The following DTWD1 variants were observed in gnomAD, a reference collection of about 807,000 sequenced individuals.
DTWD1 encodes tRNA-uridine aminocarboxypropyltransferase 1.
A neutral mutation model predicts 30.2 loss-of-function variants in DTWD1; 27 were observed. The ratio of observed to expected loss-of-function variants is 0.90; its 90% CI spans 0.66 to 1.23. The LOEUF (loss-of-function observed/expected upper bound fraction) is 1.23, where lower values mean the gene tolerates loss of function less well. Among genes scored for constraint, DTWD1 ranks in the 50% most tolerant of loss-of-function variants. DTWD1 has a pLI of 0.00. For missense variants in DTWD1, 342 were observed against 348.8 expected (o/e 0.98, Z 0.15); for synonymous variants, 99 against 113.1 (o/e 0.88, Z 0.79).
chr15:49,645,697 C>T lies in DTWD1; in HGVS notation c.*2119C>T, dbSNP rs1189357112. On this transcript the variant is annotated 3_prime_UTR_variant, in exon 5 of 5. Coordinates refer to ENST00000403028, the MANE Select transcript of DTWD1 (RefSeq NM_001144955.2). Reference sequence around the variant, plus strand: ...AAAAAAAAAAGCGAGAGACAGAGAACAATTCTATCACTCATTTGCCTCCAT... The same window carrying T: ...AAAAAAAAAAGCGAGAGACAGAGAATAATTCTATCACTCATTTGCCTCCAT... The T allele has an allele frequency of 6.6e-6, 1 of 151,800 alleles. No homozygotes were observed. Among genetic ancestry groups the T allele is most frequent in the African/African-American group, 2.4e-5 (1 of 41,352 alleles). The allele number at this position is 151,800 out of a possible 1,614,324, so 9.4% of individuals were successfully genotyped here.
Position 49,645,204 on chromosome 15 carries a change from G to A in DTWD1, c.*1626G>A, listed in dbSNP as rs891999404. 3 of 152,158 alleles carry A rather than the reference G, an allele frequency of 2.0e-5. No homozygotes were observed. Among genetic ancestry groups the A allele is most frequent in the Non-Finnish European group, 4.4e-5 (3 of 68,022 alleles). The allele number at this position is 152,158 out of a possible 1,614,324, so 9.4% of individuals were successfully genotyped here. A position where few individuals can be genotyped will look rare whatever the true frequency, so the allele number is the denominator to read the frequency against. On this transcript the variant is annotated 3_prime_UTR_variant, in exon 5 of 5. Coordinates refer to ENST00000403028, the MANE Select transcript of DTWD1 (RefSeq NM_001144955.2). ...TATTAACATGCCATGGAAATAGGAC[G>A]TTTGGAGTATTGTAATTAAGAACAA...
intron 3 of DTWD1, among the ~76,000 whole-genome samples, chr15:49,633,051 A>C (rs550020234): frequency 7.1e-6 from 1 of 140,526 alleles, no homozygotes; most frequent in Admixed American, 7.1e-5. Context: ...ATCTATATCT[A>C]TATATATATA....
chr15:49,638,171 A>T (rs1431769577), intron 4 of DTWD1, among the ~76,000 whole-genome samples: 2 of 152,222 alleles, frequency 1.3e-5, no homozygotes, highest in Non-Finnish European at 2.9e-5. Flanking sequence ...TTATATGGTA[A>T]TTGAAAAGAT....
At chr15:49,643,211 TA>T (rs776488715) in intron 4 of DTWD1, 119 bp from the exon 5 acceptor site, 422 of 1,143,828 alleles carry the variant, frequency 3.7e-4, no homozygotes, top group South Asian at 7.9e-4. Flanking sequence ...CTGCAGTCTT[TA>T]AAAAAAAATT....
chr15:49,629,618 G>A (rs997817907), intron 2 of DTWD1: 1 of 152,108 alleles, frequency 6.6e-6, no homozygotes, highest in African/African-American at 2.4e-5. Flanking sequence ...GAGACCCTAG[G>A]GAGAGGGAAG....
At chr15:49,633,053 A>G (rs28594959) in intron 3 of DTWD1, among the ~76,000 whole-genome samples, 3 of 114,624 alleles carry the variant, frequency 2.6e-5, no homozygotes, top group Middle Eastern at 9.1e-3. Flanking sequence ...CTATATCTAT[A>G]TATATATATA....
At chr15:49,623,044 A>C (rs1262427372) in intron 1 of DTWD1, among the ~76,000 whole-genome samples, 3 of 152,224 alleles carry the variant, frequency 2.0e-5, no homozygotes, top group East Asian at 3.8e-4. Flanking sequence ...ATAACTCCAA[A>C]AACTCACCAG....
intron 2 of DTWD1, among the ~76,000 whole-genome samples, chr15:49,625,948 A>G (rs953089500): frequency 2.6e-5 from 4 of 152,144 alleles, no homozygotes; most frequent in Admixed American, 2.0e-4. Flanking sequence ...AAAGAATAAG[A>G]ACATCACACA....
chr15:49,643,554 G>C lies in DTWD1; in HGVS notation c.891G>C (p.Lys297Asn). 1.9e-6 allele frequency: 3 copies of C among 1,596,256 alleles called. No individual in the cohort carries two copies. The highest frequency in any genetic ancestry group is 2.6e-6 in the Non-Finnish European group (3 of 1,174,098). Residue 297 changes from lysine (K) to asparagine (N), a missense_variant, in exon 5 of 5, where the codon AAG (lysine) becomes AAC (asparagine). Coordinates refer to ENST00000403028, the MANE Select transcript of DTWD1 (RefSeq NM_001144955.2). Reference protein sequence around the residue: ...LIKNAKCSGDKETGKLTH With the variant: ...LIKNAKCSGDNETGKLTH ...AGAATGCCAAATGCTCTGGAGATAA[G>C]GAAACAGGAAAACTTACACATTAGT... is the stretch of plus-strand genomic sequence containing the variant.
At chr15:49,627,636 C>G (rs975938180) in intron 2 of DTWD1, among the ~76,000 whole-genome samples, 1 of 152,184 alleles carries the variant, frequency 6.6e-6, no homozygotes, top group Admixed American at 6.5e-5. Flanking sequence ...ATCTGTACAG[C>G]ATGTTATTGT....
At position 49,650,571 on chromosome 15, in the gene DTWD1, C is replaced by G. The variant is rs1002795075; in HGVS notation, c.*6993C>G. ...GCCTATATCCCCCTTCTAGGAAGGA[C>G]TTGCTAATTAGCTGCAGGGAGTGTG... On this transcript the variant is annotated 3_prime_UTR_variant, in exon 5 of 5. Coordinates refer to ENST00000403028, the MANE Select transcript of DTWD1 (RefSeq NM_001144955.2). 3.9e-5 allele frequency: 6 copies of G among 152,150 alleles called. No homozygotes were observed. Among genetic ancestry groups the G allele is most frequent in the African/African-American group, 1.4e-4 (6 of 41,438 alleles). The allele number at this position is 152,150 out of a possible 1,614,324, so 9.4% of individuals were successfully genotyped here.
At chr15:49,637,524 A>T (rs1181985841) in intron 4 of DTWD1, among the ~76,000 whole-genome samples, 2 of 152,220 alleles carry the variant, frequency 1.3e-5, no homozygotes, top group African/African-American at 4.8e-5. Flanking sequence ...AAAAATACAT[A>T]GTTATGTATC....
intron 4 of DTWD1, among the ~76,000 whole-genome samples, chr15:49,640,673 A>G (rs1349115696): frequency 1.6e-5 from 2 of 127,592 alleles, no homozygotes; most frequent in Non-Finnish European, 3.3e-5. Context: ...ACTTTTCTCT[A>G]ATTACTAATA....
At chr15:49,627,994 A>G (rs984586845) in intron 2 of DTWD1, among the ~76,000 whole-genome samples, 1 of 152,202 alleles carries the variant, frequency 6.6e-6, no homozygotes, top group African/African-American at 2.4e-5. Flanking sequence ...CTTACATTTA[A>G]ACACAAACAC....
Position 49,648,600 on chromosome 15 carries a change from C to T in DTWD1, c.*5022C>T, listed in dbSNP as rs1191643852. ...ACAGGCCTGAGCCACAACACCCAGC[C>T]TAAATTATTTTTAATTATGACATTT... is the stretch of plus-strand genomic sequence containing the variant. On this transcript the variant is annotated 3_prime_UTR_variant, in exon 5 of 5. Transcript: ENST00000403028. 1 of 152,212 alleles carries T rather than the reference C, an allele frequency of 6.6e-6. No individual in the cohort carries two copies. Among genetic ancestry groups the T allele is most frequent in the African/African-American group, 2.4e-5 (1 of 41,452 alleles). The allele number at this position is 152,212 out of a possible 1,614,324, so 9.4% of individuals were successfully genotyped here. A position where few individuals can be genotyped will look rare whatever the true frequency, so the allele number is the denominator to read the frequency against.
At chr15:49,633,056 T>TATATATATATAC (rs1232357248) in intron 3 of DTWD1, among the ~76,000 whole-genome samples, 2 of 146,214 alleles carry the variant, frequency 1.4e-5, no homozygotes, top group East Asian at 3.9e-4. Context: ...TATCTATATA[T>TATATATATATAC]ATATATATAT....
In DTWD1 at chr15:49,655,625, A is replaced by G. The variant is rs958662658; in HGVS notation, c.*12047A>G. 1.1e-4 allele frequency: 16 copies of G among 152,000 alleles called. No individual in the cohort carries two copies. The highest frequency in any genetic ancestry group is 3.6e-4 in the African/African-American group (15 of 41,362). The allele number at this position is 152,000 out of a possible 1,614,324, so 9.4% of individuals were successfully genotyped here. A position where few individuals can be genotyped will look rare whatever the true frequency, so the allele number is the denominator to read the frequency against. ...TGCTATAGATAATTCCCAAAAGATTATCTAGCCTACAGGGCCGATGAGGTA... is the reference window on the plus strand; with the variant it reads ...TGCTATAGATAATTCCCAAAAGATTGTCTAGCCTACAGGGCCGATGAGGTA... On this transcript the variant is annotated 3_prime_UTR_variant, in exon 5 of 5. Coordinates refer to ENST00000403028, the MANE Select transcript of DTWD1 (RefSeq NM_001144955.2).
rs955065782 is a variant in DTWD1, at chr15:49,626,663, ATTTGT to A, written c.264+1237_264+1241del. The stretch of plus-strand genomic sequence containing the variant: ...AAATAAGTTGTAGCTATATTTTAAA[ATTTGT>A]TTTGATGATTTTAAAGTTCATTTGA... On this transcript the variant is annotated intron_variant, in intron 2 of 4. Coordinates refer to ENST00000403028, the MANE Select transcript of DTWD1 (RefSeq NM_001144955.2). 8.5e-6 allele frequency: 3 copies of A among 354,146 alleles called. No individual in the cohort carries two copies. In the African/African-American group the frequency reaches 8.8e-5, roughly 10 times the overall value. The allele number at this position is 354,146 out of a possible 1,614,324, so 21.9% of individuals were successfully genotyped here.
rs1444706789 is a variant in DTWD1 at position 49,655,429 on chromosome 15, T to A, written c.*11851T>A. ...AAATCGGGCCTACGTACCTCTATTT[T>A]TTTTTCATACTCCCGTGTTTTTTTT... On this transcript the variant is annotated 3_prime_UTR_variant, in exon 5 of 5. Coordinates refer to ENST00000403028, the MANE Select transcript of DTWD1 (RefSeq NM_001144955.2). 1 of 152,062 alleles carries A rather than the reference T, an allele frequency of 6.6e-6. No homozygotes were observed. The highest frequency in any genetic ancestry group is 1.5e-5 in the Non-Finnish European group (1 of 67,974). The allele number at this position is 152,062 out of a possible 1,614,324, so 9.4% of individuals were successfully genotyped here. A position where few individuals can be genotyped will look rare whatever the true frequency, so the allele number is the denominator to read the frequency against.
Sources: gnomAD v4.1 joint callset for allele counts (sites outside exome capture counted in the v4.1 genomes callset) on GRCh38, gnomAD v4.1.1 for gene constraint, MANE v1.5 for transcripts, NCBI Gene and HGNC (gene_info 2026-07-23, HGNC 2026-07-21) for gene names.